MEMO1: variants seen among roughly 807,000 people sequenced by gnomAD.
MEMO1 encodes the protein mediator of cell motility 1.
A neutral mutation model predicts 45.2 loss-of-function variants in MEMO1; 6 were observed. That is an observed-to-expected ratio of 0.13 (90% CI 0.07 to 0.26). The LOEUF (loss-of-function observed/expected upper bound fraction) is 0.26. Ranked by LOEUF, MEMO1 falls within the 10% of genes least tolerant of loss-of-function variation. The probability of loss-of-function intolerance (pLI) is 1.00; values close to 1 mark genes in which losing one functional copy is unlikely to be tolerated. For missense variants in MEMO1, 184 were observed against 370.5 expected (o/e 0.50, Z 4.13); for synonymous variants, 78 against 124.3 (o/e 0.63, Z 2.48).
At chr2:31,954,966 C>T (rs573697113) in intron 2 of MEMO1, among the ~76,000 whole-genome samples, 69 of 151,984 alleles carry the variant, frequency 4.5e-4, no homozygotes, top group Non-Finnish European at 8.7e-4. Flanking sequence ...TGAGACTGGG[C>T]GCAGTGGCTC....
chr2:31,959,703 G>A (rs1667793479), intron 2 of MEMO1, among the ~76,000 whole-genome samples: 2 of 152,058 alleles, frequency 1.3e-5, no homozygotes, highest in Admixed American at 1.3e-4. Flanking sequence ...ATCACCTCGA[G>A]GATCTCCCAA....
At chr2:31,923,281 G>A (rs1250778875) in intron 4 of MEMO1, among the ~76,000 whole-genome samples, 1 of 152,068 alleles carries the variant, frequency 6.6e-6, no homozygotes, top group Non-Finnish European at 1.5e-5. Context: ...TTTGAAAAGT[G>A]TCTGTTCATG....
chr2:31,882,295 T>A (rs1348537957), intron 8 of MEMO1, among the ~76,000 whole-genome samples: 1 of 152,052 alleles, frequency 6.6e-6, no homozygotes, highest in Non-Finnish European at 1.5e-5. Flanking sequence ...CCAGCCTCAG[T>A]AACGGAATGA....
intron 4 of MEMO1, among the ~76,000 whole-genome samples, chr2:31,927,561 CAT>C (rs1683290219): frequency 6.7e-6 from 1 of 149,524 alleles, no homozygotes; most frequent in Non-Finnish European, 1.5e-5. Flanking sequence ...GATATGAAAA[CAT>C]AGTTGTCTTT....
intron 6 of MEMO1, among the ~76,000 whole-genome samples, chr2:31,904,577 G>C (rs746750389): frequency 6.6e-6 from 1 of 152,198 alleles, no homozygotes; most frequent in Non-Finnish European, 1.5e-5. Flanking sequence ...GTTCACAATA[G>C]GGTTCACACT....
At chr2:31,923,656 A>G in intron 4 of MEMO1, 1 of 1,548,092 alleles carries the variant, frequency 6.5e-7, no homozygotes, top group South Asian at 1.2e-5. Flanking sequence ...AAATAATGAG[A>G]AAGGGCATTT....
At chr2:31,968,219 G>A (rs570578891) in intron 2 of MEMO1, among the ~76,000 whole-genome samples, 3 of 152,188 alleles carry the variant, frequency 2.0e-5, no homozygotes. Flanking sequence ...ACATCTGTCT[G>A]AGCCAGTTTC....
intron 8 of MEMO1, among the ~76,000 whole-genome samples, chr2:31,880,230 T>C (rs1157294878): frequency 6.6e-6 from 1 of 152,168 alleles, no homozygotes; most frequent in African/African-American, 2.4e-5. Flanking sequence ...AAAAGTTTTC[T>C]GAGGCAACTG....
At chr2:31,892,177 T>C (rs771635419) in intron 6 of MEMO1, 43 bp from the exon 7 acceptor site, 1 of 1,526,658 alleles carries the variant, frequency 6.6e-7, no homozygotes, top group Admixed American at 2.0e-5. Context: ...TTAAGATGCT[T>C]AAATGAAAGT....
At chr2:31,939,879 C>T (rs1356464598) in intron 3 of MEMO1, among the ~76,000 whole-genome samples, 1 of 151,774 alleles carries the variant, frequency 6.6e-6, no homozygotes, top group Non-Finnish European at 1.5e-5. Flanking sequence ...GTCTTCATCG[C>T]CCTCACCTCT....
chr2:31,893,228 T>C (rs1166388370), intron 6 of MEMO1: 1 of 624,280 alleles, frequency 1.6e-6, no homozygotes, highest in Non-Finnish European at 2.2e-6. Flanking sequence ...ACCTCCCCCA[T>C]AAGGCCCCCT....
At chr2:31,873,060 T>A (rs941734826) in intron 8 of MEMO1, among the ~76,000 whole-genome samples, 1 of 152,086 alleles carries the variant, frequency 6.6e-6, no homozygotes, top group Non-Finnish European at 1.5e-5. Flanking sequence ...TTGGCAAAAG[T>A]CCAAGAAGAT....
At chr2:32,005,019 C>CA (rs1007058848) in intron 2 of MEMO1, among the ~76,000 whole-genome samples, 43 of 151,250 alleles carry the variant, frequency 2.8e-4, no homozygotes, top group Non-Finnish European at 4.4e-5. Flanking sequence ...ATACATTGAC[C>CA]AAAAAAAGGT....
chr2:31,953,575 T>C (rs1667088693), intron 2 of MEMO1, among the ~76,000 whole-genome samples: 1 of 151,638 alleles, frequency 6.6e-6, no homozygotes. Flanking sequence ...CCTGCCTCAG[T>C]CTCCTGAGTA....
At chr2:31,906,945 A>G (rs189334413) in intron 6 of MEMO1, among the ~76,000 whole-genome samples, 86 of 152,314 alleles carry the variant, frequency 5.6e-4, no homozygotes, top group African/African-American at 2.0e-3. Flanking sequence ...TTTTCTAACT[A>G]TGCAACCCAG....
Position 31,991,897 on chromosome 2 carries a change from GTAAT to G in MEMO1, c.61+18286_61+18289del, listed in dbSNP as rs1159072893. 2.6e-5 allele frequency among the ~76,000 whole-genome samples: 4 copies of G among 152,120 alleles called. No individual in the cohort carries two copies. In the East Asian group the frequency reaches 7.7e-4, roughly 29 times the overall value. ...TATAGAAAAAACAAAATATTATTAA[GTAAT>G]TAATAAGAAAATAGCCAGGTAAAAT... On this transcript the variant is annotated intron_variant, in intron 2 of 9. Coordinates refer to ENST00000404530, the MANE Select transcript of MEMO1 (RefSeq NM_001301833.4).
intron 7 of MEMO1, among the ~76,000 whole-genome samples, chr2:31,887,935 A>C (rs922904390): frequency 6.6e-6 from 1 of 152,144 alleles, no homozygotes; most frequent in African/African-American, 2.4e-5. Context: ...AATGTTATCA[A>C]TTTCATAAAT....
chr2:31,993,172 C>CA (rs1437355228), intron 2 of MEMO1, among the ~76,000 whole-genome samples: 7 of 151,344 alleles, frequency 4.6e-5, no homozygotes, highest in Non-Finnish European at 1.5e-5. Flanking sequence ...GACCCTGTCT[C>CA]AAAAAAAAGA....
intron 8 of MEMO1, among the ~76,000 whole-genome samples, chr2:31,881,553 C>T (rs1266975956): frequency 6.8e-6 from 1 of 148,026 alleles, no homozygotes; most frequent in East Asian, 2.0e-4. Context: ...TCCAAATGGC[C>T]CAAAAACAAG....
Sources: allele counts gnomAD v4.1 joint callset (sites outside exome capture counted in the v4.1 genomes callset), GRCh38; gene constraint gnomAD v4.1.1; transcripts MANE v1.5; gene names NCBI Gene and HGNC (gene_info 2026-07-23, HGNC 2026-07-21).